Variants in DNASE1 observed in about 807,000 individuals in gnomAD.
DNASE1 encodes the protein deoxyribonuclease 1, also known as deoxyribonuclease-1.
Under a neutral mutation model 33.9 loss-of-function variants are expected in DNASE1, and 40 were observed. That is an observed-to-expected ratio of 1.18 (90% CI 0.92 to 1.54). DNASE1 has a LOEUF of 1.54. Ranked by LOEUF, DNASE1 falls within the 40% of genes most tolerant of loss-of-function variation. The pLI, the probability that DNASE1 is intolerant of heterozygous loss-of-function variation, is 0.00. For missense variants in DNASE1, 518 were observed against 372.6 expected (o/e 1.39, Z -3.21); for synonymous variants, 216 against 160.0 (o/e 1.35, Z -2.64).
intron 1 of DNASE1, among the ~76,000 whole-genome samples, chr16:3,621,461 C>G (rs1040361258): frequency 6.6e-6 from 1 of 152,142 alleles, no homozygotes; most frequent in East Asian, 1.9e-4. Flanking sequence ...CAAAAATTCC[C>G]TCCTACTTCT....
intron 1 of DNASE1, among the ~76,000 whole-genome samples, chr16:3,647,347 C>T (rs551207842): frequency 1.3e-5 from 2 of 151,536 alleles, no homozygotes; most frequent in Admixed American, 1.3e-4. Flanking sequence ...AGTCATGGCC[C>T]ATTACAGCTT....
intron 1 of DNASE1, among the ~76,000 whole-genome samples, chr16:3,627,073 C>G (rs1253053321): frequency 1.3e-5 from 2 of 151,254 alleles, no homozygotes; most frequent in African/African-American, 4.9e-5. Flanking sequence ...ACAGGGTCTC[C>G]CTATGTTGCC....
downstream of DNASE1, chr16:3,658,705 T>G: frequency 7.9e-7 from 1 of 1,267,152 alleles, no homozygotes; most frequent in Non-Finnish European, 1.1e-6. Context: ...AGACAGGATT[T>G]TAGAGGAAAC....
At chr16:3,631,198 G>T (rs1310567059) in intron 1 of DNASE1, among the ~76,000 whole-genome samples, 1 of 151,152 alleles carries the variant, frequency 6.6e-6, no homozygotes, top group Non-Finnish European at 1.5e-5. Flanking sequence ...AATTTTTTGG[G>T]TTTTTTTGTT....
rs1257459656 is a variant in DNASE1 at position 3,663,556 on chromosome 16, A to C, written c.*5603A>C. ...AGCTCATCAAACTGCTCAAAGCAGA[A>C]GAGAACCTGCAGGTGGCCAAGAGCA... On this transcript the variant is annotated 3_prime_UTR_variant, in exon 10 of 10. Coordinates refer to the DNASE1 transcript ENST00000407479. The C allele has an allele frequency of 1.2e-6, 2 of 1,613,770 alleles. No homozygotes were observed. The highest frequency in any genetic ancestry group is 2.7e-5 in the African/African-American group (2 of 74,924).
intron 1 of DNASE1, among the ~76,000 whole-genome samples, chr16:3,623,111 C>G (rs1015100032): frequency 6.6e-6 from 1 of 152,132 alleles, no homozygotes; most frequent in African/African-American, 2.4e-5. Flanking sequence ...CATGCAGTAA[C>G]TAAAACAGCA....
intron 1 of DNASE1, among the ~76,000 whole-genome samples, chr16:3,637,729 A>G (rs554596701): frequency 2.8e-4 from 43 of 152,266 alleles, no homozygotes; most frequent in Non-Finnish European, 4.6e-4. Context: ...GTATGAGAGG[A>G]TCTTTCTCTG....
At chr16:3,617,326 C>CCAAA (rs2041140939) in intron 1 of DNASE1, among the ~76,000 whole-genome samples, 1 of 57,724 alleles carries the variant, frequency 1.7e-5, no homozygotes, top group Admixed American at 1.6e-4. Context: ...AACTCCATCT[C>CCAAA]AAAAAAAAAA....
intron 1 of DNASE1, among the ~76,000 whole-genome samples, chr16:3,628,400 T>C (rs2041587987): frequency 6.6e-6 from 1 of 152,156 alleles, no homozygotes; most frequent in Non-Finnish European, 1.5e-5. Context: ...CTTTTTTCTT[T>C]CCAATTTGGA....
chr16:3,661,078 C>G (rs993263476), downstream of DNASE1: 1 of 151,982 alleles, frequency 6.6e-6, no homozygotes. Context: ...AAAAAAGAAA[C>G]TTCATATACA....
downstream of DNASE1, chr16:3,658,861 C>T (rs774864487): frequency 5.6e-6 from 9 of 1,613,948 alleles, no homozygotes; most frequent in South Asian, 1.1e-5. Context: ...TTGATGAGCG[C>T]GTGCCTGCAA....
chr16:3,655,765 C>T (rs2042563749), intron 2 of DNASE1, 84 bp from the exon 3 acceptor site: 2 of 1,533,150 alleles, frequency 1.3e-6, no homozygotes, highest in Non-Finnish European at 1.8e-6. Flanking sequence ...ATGCCACGAG[C>T]ATCAGCTGTG....
chr16:3,663,177 T>C lies in DNASE1; in HGVS notation c.*5224T>C, dbSNP rs2050726711. 1.8e-5 allele frequency: 12 copies of C among 658,134 alleles called. 1 individual carries two copies. In the South Asian group the frequency reaches 2.4e-4, roughly 13 times the overall value. The allele number at this position is 658,134 out of a possible 1,614,324, so 40.8% of individuals were successfully genotyped here. On this transcript the variant is annotated 3_prime_UTR_variant, in exon 10 of 10. Transcript: ENST00000407479. ...CAACTTGGTTAGGGCTTTAAAAAAA[T>C]ACACAGCCTCTCAAGAAGCTGGGCC...
At chr16:3,658,413 C>T (rs2042850700), downstream of DNASE1, 3 of 616,772 alleles carry the variant, frequency 4.9e-6, no homozygotes, top group Middle Eastern at 4.0e-4. Context: ...AGCCACCACG[C>T]CTGGCCATTT....
upstream of DNASE1, among the ~76,000 whole-genome samples, chr16:3,650,347 T>C (rs1253678366): frequency 1.3e-5 from 2 of 152,144 alleles, no homozygotes; most frequent in Admixed American, 1.3e-4. Context: ...TAAATGAATA[T>C]TCTAAATAAG....
intron 4 of DNASE1, 83 bp downstream of exon 4, chr16:3,656,268 T>A (rs1255509610): frequency 6.9e-7 from 1 of 1,441,402 alleles, no homozygotes; most frequent in Non-Finnish European, 9.7e-7. Flanking sequence ...TCCTATTAGT[T>A]TGTCCTATGG....
upstream of DNASE1, chr16:3,641,055 G>A (rs2042011209): frequency 5.0e-6 from 2 of 397,952 alleles, no homozygotes; most frequent in South Asian, 1.4e-4. Flanking sequence ...CTCATCCCCA[G>A]CCCCCAGGTG....
At chr16:3,624,353 C>T (rs1301461861) in intron 1 of DNASE1, among the ~76,000 whole-genome samples, 1 of 151,528 alleles carries the variant, frequency 6.6e-6, no homozygotes, top group African/African-American at 2.4e-5. Flanking sequence ...TAATTTTCTG[C>T]ATGTTTTCTT....
upstream of DNASE1, chr16:3,653,826 A>AACAACAAAAAAAAAAAAAC (rs1567205837): frequency 6.9e-6 from 1 of 144,908 alleles, no homozygotes; most frequent in African/African-American, 2.6e-5. Flanking sequence ...AAAAAAAAAA[A>AACAACAAAAAAAAAAAAAC]AAAAAAAAAA....
Sources: allele counts gnomAD v4.1 joint callset (sites outside exome capture counted in the v4.1 genomes callset), GRCh38; gene constraint gnomAD v4.1.1; transcripts MANE v1.5; gene names NCBI Gene and HGNC (gene_info 2026-07-23, HGNC 2026-07-21).